Variants in NBEAL1 observed in about 807,000 individuals in gnomAD.
The protein encoded by NBEAL1 is neurobeachin-like protein 1.
A neutral mutation model predicts 351.3 loss-of-function variants in NBEAL1; 273 were observed. The observed-to-expected ratio is 0.78, with a 90% CI of 0.70 to 0.86. NBEAL1 has a LOEUF of 0.86. Among genes scored for constraint, NBEAL1 ranks in the 40% least tolerant of loss-of-function variants. The pLI is 0.00. For synonymous variants in NBEAL1, 1,050 were observed against 1,086.4 expected (o/e 0.97, Z 0.66); for missense variants, 2,961 against 3,201.3 (o/e 0.92, Z 1.81).
intron 46 of NBEAL1, 54 bp downstream of exon 46, chr2:203,190,443 G>A: frequency 2.4e-6 from 3 of 1,260,382 alleles, no homozygotes; most frequent in Admixed American, 2.0e-5. Context: ...GTAGATTTAA[G>A]TACATAACAA....
intron 45 of NBEAL1, among the ~76,000 whole-genome samples, chr2:203,190,059 C>G (rs909088231): frequency 5.3e-5 from 8 of 151,440 alleles, no homozygotes; most frequent in Admixed American, 2.6e-4. Flanking sequence ...TTGTTTGAAC[C>G]CAGGAGGTGG....
At chr2:203,138,074 GC>G in intron 29 of NBEAL1, 87 bp from the exon 30 acceptor site, 1 of 1,171,440 alleles carries the variant, frequency 8.5e-7, no homozygotes, top group Non-Finnish European at 1.2e-6. Context: ...ATACAGTGCT[GC>G]CTCTCAAGCT....
chr2:203,026,893 A>G (rs1359705407), intron 2 of NBEAL1, among the ~76,000 whole-genome samples: 6 of 152,212 alleles, frequency 3.9e-5, no homozygotes, highest in South Asian at 2.1e-4. Context: ...TTAATTTTCA[A>G]TAGTCTTTCA....
chr2:203,157,899 A>G (rs1360028302), intron 36 of NBEAL1, 74 bp downstream of exon 36: 1 of 1,219,568 alleles, frequency 8.2e-7, no homozygotes, highest in Non-Finnish European at 1.1e-6. Context: ...TTTGCTTGAA[A>G]TTCTAACACC....
intron 44 of NBEAL1, among the ~76,000 whole-genome samples, chr2:203,184,018 C>T (rs1444907970): frequency 7.1e-6 from 1 of 140,140 alleles, no homozygotes; most frequent in African/African-American, 2.7e-5. Context: ...GCTGAGGTTG[C>T]AGTGAGCTGA....
At chr2:203,100,690 G>T (rs1309470404) in intron 12 of NBEAL1, among the ~76,000 whole-genome samples, 2 of 151,918 alleles carry the variant, frequency 1.3e-5, no homozygotes, top group African/African-American at 4.8e-5. Flanking sequence ...GGGATTACAG[G>T]TGTGCACCAC....
At chr2:203,035,925 C>T (rs958770706) in intron 2 of NBEAL1, among the ~76,000 whole-genome samples, 1 of 148,948 alleles carries the variant, frequency 6.7e-6, no homozygotes, top group Non-Finnish European at 1.5e-5. Context: ...ATTCTAAGCC[C>T]TTGATATGGG....
chr2:203,112,154 G>C, intron 16 of NBEAL1, 56 bp downstream of exon 16: 1 of 1,505,938 alleles, frequency 6.6e-7, no homozygotes, highest in Admixed American at 2.5e-5. Flanking sequence ...TTCTTGAAAT[G>C]TTTTAGTTAA....
At chr2:203,125,541 C>A in intron 20 of NBEAL1, 21 bp downstream of exon 20, 2 of 1,371,684 alleles carry the variant, frequency 1.5e-6, no homozygotes, top group Non-Finnish European at 1.9e-6. Context: ...GAAATTAACA[C>A]AAAATAGTCA....
At chr2:203,183,160 A>G (rs2105744356) in intron 43 of NBEAL1, 119 bp from the exon 44 acceptor site, 1 of 542,008 alleles carries the variant, frequency 1.8e-6, no homozygotes, top group Non-Finnish European at 3.3e-6. Flanking sequence ...ACTCCAATAG[A>G]TAAGAATTTT....
intron 21 of NBEAL1, among the ~76,000 whole-genome samples, chr2:203,126,303 T>G (rs1281858350): frequency 2.0e-5 from 3 of 152,198 alleles, no homozygotes; most frequent in Non-Finnish European, 4.4e-5. Flanking sequence ...TGTATAATCT[T>G]TGATGTATAC....
chr2:203,049,715 T>G, intron 3 of NBEAL1, 99 bp from the exon 4 acceptor site: 3 of 1,017,516 alleles, frequency 2.9e-6, no homozygotes, highest in Non-Finnish European at 4.2e-6. Context: ...ATAAAAGAGC[T>G]TCTTTAGGAT....
chr2:203,218,238 GAT>G lies in NBEAL1; in HGVS notation c.*887_*888del, dbSNP rs1336524483. On this transcript the variant is annotated 3_prime_UTR_variant, in exon 56 of 56. Coordinates refer to ENST00000683969, the MANE Select transcript of NBEAL1 (RefSeq NM_001378026.1). ...GTGTGATTGATGAATGAATTGAAAA[GAT>G]ATGTATAACTTAAAATAATCATTTA... 3 of 152,058 alleles carry G rather than the reference GAT, an allele frequency of 2.0e-5. No individual in the cohort carries two copies. Among genetic ancestry groups the G allele is most frequent in the Non-Finnish European group, 4.4e-5 (3 of 67,992 alleles). 9.4% of individuals were successfully genotyped at this position (152,058 alleles called of 1,614,324 possible).
At chr2:203,125,638 T>G (rs925323326) in intron 20 of NBEAL1, 118 bp downstream of exon 20, 1 of 963,276 alleles carries the variant, frequency 1.0e-6, no homozygotes, top group Non-Finnish European at 1.4e-6. Flanking sequence ...GCTGTAGCAG[T>G]TGTTTCTACT....
rs377184237 is a variant in NBEAL1 at position 203,146,471 on chromosome 2, C to T, written c.5304+1311C>T. On this transcript the variant is annotated intron_variant, in intron 33 of 55. Coordinates refer to ENST00000683969, the MANE Select transcript of NBEAL1 (RefSeq NM_001378026.1). The stretch of plus-strand genomic sequence containing the variant: ...CCAGTATCTGTCAGGAACATAGCTA[C>T]AAAACAAATCTAGCAATACATTTTT... Among the ~76,000 whole-genome samples the T allele has an allele frequency of 1.1e-4, 17 of 152,098 alleles. No individual in the cohort carries two copies. In the South Asian group the frequency reaches 3.5e-3, roughly 32 times the overall value.
intron 2 of NBEAL1, among the ~76,000 whole-genome samples, chr2:203,029,559 G>A (rs374128065): frequency 6.6e-6 from 1 of 152,076 alleles, no homozygotes; most frequent in Non-Finnish European, 1.5e-5. Context: ...GGGCACGATG[G>A]CATGTGCCAG....
intron 6 of NBEAL1, among the ~76,000 whole-genome samples, chr2:203,066,940 C>T (rs1380047949): frequency 2.2e-4 from 31 of 139,044 alleles, no homozygotes; most frequent in African/African-American, 3.0e-4. Flanking sequence ...AAAGGGCAGC[C>T]GGGCAGAGGC....
intron 2 of NBEAL1, among the ~76,000 whole-genome samples, chr2:203,036,989 A>C (rs1016007192): frequency 6.7e-6 from 1 of 149,246 alleles, no homozygotes; most frequent in Non-Finnish European, 1.5e-5. Context: ...TGAATGAATA[A>C]ATGAATCACA....
chr2:203,195,020 AC>A (rs2065199705), intron 47 of NBEAL1, among the ~76,000 whole-genome samples: 1 of 151,848 alleles, frequency 6.6e-6, no homozygotes, highest in Non-Finnish European at 1.5e-5. Context: ...ACATGGTGAA[AC>A]CCCGTCTCTA....
Sources: allele counts gnomAD v4.1 joint callset (sites outside exome capture counted in the v4.1 genomes callset), GRCh38; gene constraint gnomAD v4.1.1; transcripts MANE v1.5; gene names NCBI Gene and HGNC (gene_info 2026-07-23, HGNC 2026-07-21).